Variants in MARCHF3 observed in about 807,000 individuals in gnomAD.
MARCHF3 encodes the protein membrane associated ring-CH-type finger 3, also known as E3 ubiquitin-protein ligase MARCHF3.
A neutral mutation model predicts 24.2 loss-of-function variants in MARCHF3; 13 were observed. That is an observed-to-expected ratio of 0.54 (90% CI 0.35 to 0.85). MARCHF3 has a LOEUF of 0.85. Ranked by LOEUF, MARCHF3 falls within the 40% of genes least tolerant of loss-of-function variation. MARCHF3 has a pLI of 0.01. For missense variants in MARCHF3, 276 were observed against 325.0 expected (o/e 0.85, Z 1.16); for synonymous variants, 144 against 137.3 (o/e 1.05, Z -0.34).
intron 1 of MARCHF3, among the ~76,000 whole-genome samples, chr5:126,980,657 C>T: frequency 6.6e-6 from 1 of 152,138 alleles, no homozygotes; most frequent in East Asian, 1.9e-4. Flanking sequence ...GTGTGAGCCA[C>T]CACGCCTGGC....
At chr5:126,995,381 A>G (rs540548291) in intron 1 of MARCHF3, among the ~76,000 whole-genome samples, 16 of 152,324 alleles carry the variant, frequency 1.1e-4, no homozygotes, top group African/African-American at 3.4e-4. Context: ...GTTGTTGCAC[A>G]TGTTCCTATC....
At chr5:126,893,400 C>A (rs1580609068) in intron 3 of MARCHF3, among the ~76,000 whole-genome samples, 1 of 151,320 alleles carries the variant, frequency 6.6e-6, no homozygotes, top group Non-Finnish European at 1.5e-5. Context: ...AATTTTGGAT[C>A]TTTCCTGCTT....
At chr5:126,898,986 A>G in intron 3 of MARCHF3, 1 of 985,164 alleles carries the variant, frequency 1.0e-6, no homozygotes, top group Non-Finnish European at 1.2e-6. Flanking sequence ...TAAAAGCTTC[A>G]AAAGCATATT....
rs1250698494 is a variant in MARCHF3, at chr5:126,918,128, T to G, written c.44A>C (p.Asp15Ala). 2.4e-5 allele frequency: 39 copies of G among 1,614,020 alleles called. No individual in the cohort carries two copies. Among genetic ancestry groups the G allele is most frequent in the Non-Finnish European group, 3.1e-5 (37 of 1,180,046 alleles). Residue 15 changes from aspartate (D) to alanine (A), a missense_variant, in exon 2 of 5, where the codon GAC becomes GCC. Physicochemically the swap from Asp to Ala is moderately radical, Grantham distance 126. Transcript: ENST00000308660. ...RCSHLPEVLP[D>A]CTSSAAPVVK... ...CACGGGTGCAGCTGAGCTGGTGCAG[T>G]CTGGCAGGACTTCGGGCAGGTGACT...
intron 3 of MARCHF3, chr5:126,899,411 G>A: frequency 1.7e-6 from 1 of 593,896 alleles, no homozygotes; most frequent in Non-Finnish European, 2.1e-6. Flanking sequence ...TGTCTCACAA[G>A]TGTGTACAGC....
At chr5:126,942,945 C>T (rs1473292371) in intron 1 of MARCHF3, among the ~76,000 whole-genome samples, 3 of 152,096 alleles carry the variant, frequency 2.0e-5, no homozygotes, top group Admixed American at 6.5e-5. Context: ...TGCTAAAATT[C>T]CTCAGTGTCA....
chr5:126,994,417 A>G (rs576229729), intron 1 of MARCHF3, among the ~76,000 whole-genome samples: 99 of 152,312 alleles, frequency 6.5e-4, no homozygotes, highest in Admixed American at 2.4e-3. Context: ...GCACTGTTCT[A>G]TATCTTGATT....
intron 3 of MARCHF3, chr5:126,898,917 T>A: frequency 2.0e-6 from 2 of 985,216 alleles, no homozygotes; most frequent in Non-Finnish European, 2.4e-6. Flanking sequence ...CACAAACAGA[T>A]TATACATTTT....
At chr5:126,953,539 T>C (rs1408332717) in intron 1 of MARCHF3, among the ~76,000 whole-genome samples, 2 of 152,206 alleles carry the variant, frequency 1.3e-5, no homozygotes, top group African/African-American at 4.8e-5. Flanking sequence ...GTACGTAAGT[T>C]CTAGGTTCAA....
intron 1 of MARCHF3, among the ~76,000 whole-genome samples, chr5:126,940,982 T>C (rs1439354368): frequency 6.6e-6 from 1 of 152,170 alleles, no homozygotes; most frequent in East Asian, 1.9e-4. Context: ...TATTATTTAA[T>C]GCTTTTTGTT....
intron 3 of MARCHF3, among the ~76,000 whole-genome samples, chr5:126,899,969 C>T (rs1054212024): frequency 7.9e-5 from 12 of 152,112 alleles, no homozygotes; most frequent in African/African-American, 1.7e-4. Context: ...TTGTGTTGAA[C>T]GTTCTATGGG....
intron 1 of MARCHF3, among the ~76,000 whole-genome samples, chr5:126,950,599 G>A (rs1360369374): frequency 2.6e-5 from 4 of 151,928 alleles, no homozygotes; most frequent in Non-Finnish European, 5.9e-5. Flanking sequence ...TTTCCCATTT[G>A]TGCACTAGAT....
intron 3 of MARCHF3, among the ~76,000 whole-genome samples, chr5:126,892,784 C>G (rs1335089899): frequency 7.0e-6 from 1 of 143,470 alleles, no homozygotes; most frequent in Non-Finnish European, 1.5e-5. Flanking sequence ...GCTTTCGTAT[C>G]AGAATGATGC....
chr5:126,985,984 G>C (rs1365217634), intron 1 of MARCHF3, among the ~76,000 whole-genome samples: 5 of 152,208 alleles, frequency 3.3e-5, no homozygotes, highest in African/African-American at 1.2e-4. Flanking sequence ...TTACAAAAGA[G>C]TTTAAATCAT....
intron 4 of MARCHF3, among the ~76,000 whole-genome samples, chr5:126,871,914 CCAGG>C (rs10550383): frequency 0.083 from 12,610 of 151,586 alleles, 1,115 homozygotes; most frequent in African/African-American, 0.23. Context: ...ACCATGTTGG[CCAGG>C]CAGGCTGGTC....
chr5:126,894,848 C>T (rs371671235), intron 3 of MARCHF3, among the ~76,000 whole-genome samples: 9 of 151,546 alleles, frequency 5.9e-5, no homozygotes, highest in African/African-American at 7.3e-5. Context: ...TGAATCTGAA[C>T]GTTGGCCTGC....
intron 3 of MARCHF3, among the ~76,000 whole-genome samples, chr5:126,906,390 G>A (rs1561418646): frequency 6.6e-6 from 1 of 152,136 alleles, no homozygotes; most frequent in Non-Finnish European, 1.5e-5. Context: ...CAGAAGGAAT[G>A]GTACCCAGTT....
At chr5:127,006,189 T>C (rs1220411231) in intron 1 of MARCHF3, among the ~76,000 whole-genome samples, 1 of 139,208 alleles carries the variant, frequency 7.2e-6, no homozygotes, top group Non-Finnish European at 1.5e-5. Context: ...GGAGACACAG[T>C]GAGGCTCTGT....
At position 126,914,961 on chromosome 5, in the gene MARCHF3, G is replaced by T; in HGVS notation, c.362C>A (p.Ala121Glu). The T allele has an allele frequency of 6.2e-7, 1 of 1,614,226 alleles. No homozygotes were observed. Among genetic ancestry groups the T allele is most frequent in the South Asian group, 1.1e-5 (1 of 91,090 alleles). ...SYCELCHFRFAVERKPRPLVE... is the reference protein window; with the variant it reads ...SYCELCHFRFEVERKPRPLVE... Reference sequence around the variant, plus strand: ...TAACGGCCTGGGTTTGCGCTCGACTGCAAACCTGAAGTGGCAGAGTTCACA... The same window carrying T: ...TAACGGCCTGGGTTTGCGCTCGACTTCAAACCTGAAGTGGCAGAGTTCACA... Residue 121 changes from alanine (A) to glutamate (E), a missense_variant, in exon 3 of 5, where the codon GCA becomes GAA. Physicochemically the swap from Ala to Glu is moderately radical, Grantham distance 107 (BLOSUM62 -1). Transcript: ENST00000308660.
Sources: gnomAD v4.1 joint callset for allele counts (sites outside exome capture counted in the v4.1 genomes callset) on GRCh38, gnomAD v4.1.1 for gene constraint, MANE v1.5 for transcripts, NCBI Gene and HGNC (gene_info 2026-07-23, HGNC 2026-07-21) for gene names.